ATP5MG: variants seen among roughly 807,000 people sequenced by gnomAD.
ATP5MG encodes ATP synthase F(0) complex subunit g, mitochondrial.
ATP5MG carries 7 observed loss-of-function variants against 12.7 expected under a neutral mutation model. The observed-to-expected ratio is 0.55, with a 90% CI of 0.31 to 1.04. ATP5MG has a LOEUF of 1.04. ATP5MG is among the 50% of genes least tolerant of loss of function. The probability of loss-of-function intolerance (pLI) is 0.05; values close to 1 mark genes in which losing one functional copy is unlikely to be tolerated. For synonymous variants in ATP5MG, 53 were observed against 48.2 expected, an observed-to-expected ratio of 1.10 and a Z score of -0.41; for missense variants, 116 against 126.7, an observed-to-expected ratio of 0.92 and a Z score of 0.41.
intron 1 of ATP5MG, among the ~76,000 whole-genome samples, chr11:118,403,123 T>C (rs1948943474): frequency 6.6e-6 from 1 of 152,312 alleles, no homozygotes; most frequent in East Asian, 1.9e-4. Flanking sequence ...CCAAATAATT[T>C]CATAAGCTTG....
intron 1 of ATP5MG, 95 bp downstream of exon 1, chr11:118,401,812 G>A: frequency 6.9e-7 from 1 of 1,455,630 alleles, no homozygotes. Flanking sequence ...AGACCCGAGG[G>A]GCCTGCGGGT....
At chr11:118,408,357 A>G (rs1555132479) in intron 2 of ATP5MG, among the ~76,000 whole-genome samples, 1 of 152,182 alleles carries the variant, frequency 6.6e-6, no homozygotes, top group East Asian at 1.9e-4. Context: ...TGCTAAAAGG[A>G]AAAGGTCCAG....
rs1555132793 is a variant in ATP5MG at position 118,409,583 on chromosome 11, T to C, written c.*485T>C. The C allele has an allele frequency of 6.6e-6, 1 of 152,234 alleles. No homozygotes were observed. The highest frequency in any genetic ancestry group is 1.5e-5 in the Non-Finnish European group (1 of 68,078). 9.4% of individuals were successfully genotyped at this position (152,234 alleles called of 1,614,324 possible). A position where few individuals can be genotyped will look rare whatever the true frequency, so the allele number is the denominator to read the frequency against. ...TTGACAACATCTATGTCTGTAAAAATGTTAGAGTACTTGTCATCTTGAATA... is the reference window on the plus strand; with the variant it reads ...TTGACAACATCTATGTCTGTAAAAACGTTAGAGTACTTGTCATCTTGAATA... On this transcript the variant is annotated 3_prime_UTR_variant, in exon 3 of 3. Transcript: ENST00000300688.
intron 2 of ATP5MG, among the ~76,000 whole-genome samples, chr11:118,407,928 C>T (rs1448361893): frequency 4.6e-5 from 7 of 151,946 alleles, no homozygotes; most frequent in Non-Finnish European, 7.4e-5. Context: ...TTTGGGAGGC[C>T]GAGGCGGGCA....
At chr11:118,408,094 G>A (rs1948988239) in intron 2 of ATP5MG, among the ~76,000 whole-genome samples, 2 of 152,028 alleles carry the variant, frequency 1.3e-5, no homozygotes. Context: ...CCTGGGAGGC[G>A]GAGCTTGCAG....
At chr11:118,402,643 A>T (rs1555131319) in intron 1 of ATP5MG, among the ~76,000 whole-genome samples, 1 of 151,354 alleles carries the variant, frequency 6.6e-6, no homozygotes, top group African/African-American at 2.4e-5. Context: ...AATACTTTCT[A>T]GCCTATTTTG....
chr11:118,402,224 G>A (rs1555131244), intron 1 of ATP5MG, among the ~76,000 whole-genome samples: 2 of 152,156 alleles, frequency 1.3e-5, no homozygotes, highest in African/African-American at 4.8e-5. Flanking sequence ...CGGATTCTAA[G>A]ATACTTCCGC....
chr11:118,401,766 G>A (rs1555131124), intron 1 of ATP5MG, 49 bp downstream of exon 1: 2 of 1,593,918 alleles, frequency 1.3e-6, no homozygotes, highest in Non-Finnish European at 1.7e-6. Context: ...CGGCAGGGAG[G>A]CCTGCGATGG....
chr11:118,402,256 G>T (rs782040714), intron 1 of ATP5MG, among the ~76,000 whole-genome samples: 1 of 152,112 alleles, frequency 6.6e-6, no homozygotes, highest in Non-Finnish European at 1.5e-5. Context: ...GGAAATTTTA[G>T]GTGGAAATGG....
intron 1 of ATP5MG, chr11:118,406,502 A>G: frequency 5.4e-6 from 1 of 184,876 alleles, no homozygotes; most frequent in Admixed American, 5.4e-5. Context: ...TGTTCTTAAG[A>G]GTGCCATTCT....
At chr11:118,402,943 T>TC (rs1555131389) in intron 1 of ATP5MG, among the ~76,000 whole-genome samples, 1 of 152,020 alleles carries the variant, frequency 6.6e-6, no homozygotes, top group African/African-American at 2.4e-5. Flanking sequence ...CAAGGGATCC[T>TC]CCCGCCTCGG....
chr11:118,401,613 G>T lies in ATP5MG; in HGVS notation c.-53G>T. 6.2e-7 allele frequency: 1 copy of T among 1,610,724 alleles called. No homozygotes were observed. The highest frequency in any genetic ancestry group is 1.1e-5 in the South Asian group (1 of 90,982). ...CGGGGTCCTGCAGCGGGTCCTTCCG[G>T]CGGGTGACATTCAGCCGGCGGTTCG... On this transcript the variant is annotated 5_prime_UTR_variant, in exon 1 of 3. Coordinates refer to ENST00000300688, the MANE Select transcript of ATP5MG (RefSeq NM_006476.5).
intron 1 of ATP5MG, among the ~76,000 whole-genome samples, chr11:118,405,288 A>G (rs923991764): frequency 6.6e-6 from 1 of 152,204 alleles, no homozygotes; most frequent in African/African-American, 2.4e-5. Context: ...ATATGTATAT[A>G]TAATTATTTC....
At chr11:118,405,298 CTG>C (rs1366052857) in intron 1 of ATP5MG, among the ~76,000 whole-genome samples, 2 of 152,212 alleles carry the variant, frequency 1.3e-5, no homozygotes, top group East Asian at 3.9e-4. Context: ...ATAATTATTT[CTG>C]TGTCTGTCAG....
intron 1 of ATP5MG, among the ~76,000 whole-genome samples, chr11:118,404,379 A>G (rs2134126409): frequency 6.6e-6 from 1 of 151,804 alleles, no homozygotes; most frequent in East Asian, 1.9e-4. Context: ...CATTGCATTT[A>G]GTTTCTATGT....
chr11:118,408,931 A>ATATATATATATATATATAAT (rs1491121776), intron 2 of ATP5MG, 69 bp from the exon 3 acceptor site: 211 of 262,266 alleles, frequency 8.0e-4, no homozygotes, highest in African/African-American at 5.7e-3. Flanking sequence ...ATAGTTTCAA[A>ATATATATATATATATATAAT]TATATATATA....
At chr11:118,402,209 C>T (rs913842413) in intron 1 of ATP5MG, among the ~76,000 whole-genome samples, 10 of 152,084 alleles carry the variant, frequency 6.6e-5, no homozygotes, top group African/African-American at 2.4e-4. Flanking sequence ...GCTTTCTGTC[C>T]TAGACGGATT....
chr11:118,402,534 A>G (rs1210364464), intron 1 of ATP5MG, among the ~76,000 whole-genome samples: 6 of 152,048 alleles, frequency 3.9e-5, no homozygotes, highest in Admixed American at 3.3e-4. Context: ...AGTTTTTCCT[A>G]GATGTGCTGT....
chr11:118,403,428 G>T (rs782575160), intron 1 of ATP5MG, among the ~76,000 whole-genome samples: 1 of 152,086 alleles, frequency 6.6e-6, no homozygotes, highest in African/African-American at 2.4e-5. Flanking sequence ...CCCCGGAGGC[G>T]GAGGTTGCAG....
Sources: allele counts gnomAD v4.1 joint callset (sites outside exome capture counted in the v4.1 genomes callset), GRCh38; gene constraint gnomAD v4.1.1; transcripts MANE v1.5; gene names NCBI Gene and HGNC (gene_info 2026-07-23, HGNC 2026-07-21).